Variants in ATP10B observed in about 807,000 individuals in gnomAD.
ATP10B encodes ATPase phospholipid transporting 10B (putative).
Under a neutral mutation model 141.2 loss-of-function variants are expected in ATP10B, and 122 were observed. The observed-to-expected ratio is 0.86, with a 90% CI of 0.75 to 1.00. The LOEUF (loss-of-function observed/expected upper bound fraction) is 1.00, where lower values mean the gene tolerates loss of function less well. ATP10B is among the 50% of genes least tolerant of loss of function. The probability of loss-of-function intolerance (pLI) is 0.00; values close to 1 mark genes in which losing one functional copy is unlikely to be tolerated. For synonymous variants in ATP10B, 685 were observed against 692.0 expected, an observed-to-expected ratio of 0.99 and a Z score of 0.16; for missense variants, 1,876 against 1,825.3, an observed-to-expected ratio of 1.03 and a Z score of -0.51.
the ATP10B span, among the ~76,000 whole-genome samples, chr5:160,911,033 A>G: frequency 6.6e-6 from 1 of 152,178 alleles, no homozygotes; most frequent in Non-Finnish European, 1.5e-5. Context: ...ACCCTCAGGT[A>G]TTCCTTCATA....
chr5:160,791,278 T>C (rs998564459), intron 1 of ATP10B, among the ~76,000 whole-genome samples: 1 of 152,176 alleles, frequency 6.6e-6, no homozygotes, highest in East Asian at 1.9e-4. Flanking sequence ...TTTTAGCTTC[T>C]AAGTTTTTGG....
At chr5:160,709,320 T>A (rs1396668583) in intron 3 of ATP10B, among the ~76,000 whole-genome samples, 2 of 152,172 alleles carry the variant, frequency 1.3e-5, no homozygotes, top group South Asian at 2.1e-4. Flanking sequence ...TGGGAGGAGA[T>A]GTTTGTAACA....
intron 1 of ATP10B, among the ~76,000 whole-genome samples, chr5:160,805,275 A>G (rs1196600954): frequency 6.6e-6 from 1 of 152,226 alleles, no homozygotes; most frequent in African/African-American, 2.4e-5. Flanking sequence ...TGCTGATGAC[A>G]AAAATAATTT....
In ATP10B at chr5:160,742,394, G is replaced by GA. The variant is rs368213953; in HGVS notation, c.-330-25361dup. 3.4e-3 allele frequency among the ~76,000 whole-genome samples: 487 copies of GA among 142,796 alleles called. 2 individuals are homozygous for GA. The highest frequency in any genetic ancestry group is 0.011 in the African/African-American group (417 of 39,100). The allele number at this position is 142,796 out of a possible 152,430, so 93.7% of individuals were successfully genotyped here. A position where few individuals can be genotyped will look rare whatever the true frequency, so the allele number is the denominator to read the frequency against. On this transcript the variant is annotated intron_variant, in intron 2 of 25. Transcript: ENST00000327245. ...ATAAAAACTTAAATTTTTGCCACTT[G>GA]AAAAAAAAAAAGGCTAGCAAGTCCT...
chr5:160,658,422 C>T (rs568120735), intron 7 of ATP10B, among the ~76,000 whole-genome samples: 3 of 152,246 alleles, frequency 2.0e-5, no homozygotes, highest in South Asian at 2.1e-4. Context: ...TAAGGATGAA[C>T]GACCATGGTC....
chr5:160,753,254 T>A (rs1561817548), intron 2 of ATP10B, among the ~76,000 whole-genome samples: 2 of 152,162 alleles, frequency 1.3e-5, no homozygotes, highest in African/African-American at 4.8e-5. Context: ...ATACCATGGG[T>A]GCAACTCAGT....
At chr5:160,762,660 AC>A (rs368311198) in intron 2 of ATP10B, among the ~76,000 whole-genome samples, 14 of 152,206 alleles carry the variant, frequency 9.2e-5, no homozygotes, top group Non-Finnish European at 1.8e-4. Context: ...TGAAAAAAAA[AC>A]CCACAAAGTA....
At chr5:160,769,727 A>G (rs1448411189) in intron 2 of ATP10B, among the ~76,000 whole-genome samples, 2 of 151,988 alleles carry the variant, frequency 1.3e-5, no homozygotes, top group Non-Finnish European at 2.9e-5. Context: ...AAACCATCTC[A>G]TTCTCTTGTT....
chr5:160,812,049 A>G (rs1450726661), intron 1 of ATP10B, among the ~76,000 whole-genome samples: 9 of 144,372 alleles, frequency 6.2e-5, no homozygotes, highest in African/African-American at 2.3e-4. Context: ...AGAGAGAGAG[A>G]GAGAGAGAGA....
At chr5:160,908,845 T>C in the ATP10B span, among the ~76,000 whole-genome samples, 7 of 152,310 alleles carry the variant, frequency 4.6e-5, no homozygotes, top group Middle Eastern at 3.4e-3. Flanking sequence ...ATTCTCACCA[T>C]CAACACTCCT....
At chr5:160,687,361 G>C (rs1763819888) in intron 5 of ATP10B, among the ~76,000 whole-genome samples, 1 of 152,010 alleles carries the variant, frequency 6.6e-6, no homozygotes, top group Admixed American at 6.5e-5. Flanking sequence ...TTGAATGAAA[G>C]AATGAATGAA....
In ATP10B at chr5:160,586,661, G is replaced by A. The variant is rs62391602; in HGVS notation, c.3750+2931C>T. On this transcript the variant is annotated intron_variant, in intron 24 of 25. Transcript: ENST00000327245. The stretch of plus-strand genomic sequence containing the variant: ...ACTGTTTCTTCACTTTTTAATAATC[G>A]TCATTCTGACTGGCGTGAGATGGTA... Among the ~76,000 whole-genome samples the A allele has an allele frequency of 6.5e-3, 989 of 152,160 alleles. 9 individuals are homozygous for A. Among genetic ancestry groups the A allele is most frequent in the Middle Eastern group, 0.017 (5 of 294 alleles).
chr5:160,709,530 T>A (rs1465420529), intron 3 of ATP10B, among the ~76,000 whole-genome samples: 3 of 151,878 alleles, frequency 2.0e-5, no homozygotes, highest in African/African-American at 4.8e-5. Flanking sequence ...TGGTGAAAAA[T>A]GAGAAGTCTA....
rs939717769 is a variant in ATP10B, at chr5:160,696,552, T to C, written c.-204-7609A>G. Among the ~76,000 whole-genome samples, 11 of 152,182 alleles carry C rather than the reference T, an allele frequency of 7.2e-5. 1 individual carries two copies. Among genetic ancestry groups the C allele is most frequent in the Admixed American group, 5.9e-4 (9 of 15,278 alleles). The stretch of plus-strand genomic sequence containing the variant: ...AAACTCTTGATCCCTTATGACAACA[T>C]TGGCCTACACCTCTATGTCTCTATT... On this transcript the variant is annotated intron_variant, in intron 3 of 25. Transcript: ENST00000327245.
At chr5:160,924,558 G>C in the ATP10B span, among the ~76,000 whole-genome samples, 1 of 152,116 alleles carries the variant, frequency 6.6e-6, no homozygotes, top group African/African-American at 2.4e-5. Context: ...CTGCTTTATC[G>C]GGGTCATGGT....
At chr5:160,572,128 T>C (rs1156446973) in intron 24 of ATP10B, among the ~76,000 whole-genome samples, 1 of 152,150 alleles carries the variant, frequency 6.6e-6, no homozygotes, top group African/African-American at 2.4e-5. Context: ...TTCTCTAGCA[T>C]CTCCTTTTCC....
intron 18 of ATP10B, chr5:160,611,649 T>C (rs1757725852): frequency 6.6e-6 from 1 of 152,254 alleles, no homozygotes; most frequent in African/African-American, 2.4e-5. Context: ...GAGGTGTATA[T>C]TGTTGCTTCA....
chr5:160,729,981 G>C (rs1225909775), intron 2 of ATP10B, among the ~76,000 whole-genome samples: 2 of 152,070 alleles, frequency 1.3e-5, no homozygotes, highest in African/African-American at 4.8e-5. Context: ...TGGAACCTGG[G>C]GTTCCTTGAA....
At chr5:160,685,975 A>G (rs1042584628) in intron 6 of ATP10B, 104 bp downstream of exon 6, 1 of 931,260 alleles carries the variant, frequency 1.1e-6, no homozygotes, top group African/African-American at 1.7e-5. Flanking sequence ...TGAATTAAAT[A>G]ATTTAGGAAA....
Sources: allele counts gnomAD v4.1 joint callset (sites outside exome capture counted in the v4.1 genomes callset), GRCh38; gene constraint gnomAD v4.1.1; transcripts MANE v1.5; gene names NCBI Gene and HGNC (gene_info 2026-07-23, HGNC 2026-07-21).